OGA: variants seen among roughly 807,000 people sequenced by gnomAD.
OGA encodes O-GlcNAcase.
A neutral mutation model predicts 102.0 loss-of-function variants in OGA; 21 were observed. The ratio of observed to expected loss-of-function variants is 0.21; its 90% CI spans 0.15 to 0.30. The LOEUF (loss-of-function observed/expected upper bound fraction) is 0.30, where lower values mean the gene tolerates loss of function less well. OGA is among the 10% of genes least tolerant of loss of function. OGA has a pLI of 1.00. For missense variants in OGA, 765 were observed against 1,107.8 expected, an observed-to-expected ratio of 0.69 and a Z score of 4.39; for synonymous variants, 408 against 378.2, an observed-to-expected ratio of 1.08 and a Z score of -0.91.
intron 5 of OGA, among the ~76,000 whole-genome samples, chr10:101,807,122 C>T (rs1477315940): frequency 6.6e-6 from 1 of 152,104 alleles, no homozygotes; most frequent in South Asian, 2.1e-4. Flanking sequence ...AAATAAGGTT[C>T]TCGGCTCACA....
At chr10:101,802,685 A>G (rs1165144446) in intron 7 of OGA, among the ~76,000 whole-genome samples, 1 of 151,812 alleles carries the variant, frequency 6.6e-6, no homozygotes, top group Non-Finnish European at 1.5e-5. Flanking sequence ...GAAAAAAAAA[A>G]AACTACTTTA....
In OGA at chr10:101,818,191, C is replaced by G; in HGVS notation, c.-169G>C. On this transcript the variant is annotated 5_prime_UTR_variant, in exon 1 of 16. Transcript: ENST00000361464. ...CCCTCTCCGCAGGGACCCGAATGCC[C>G]GGATGAGAAGGGCGGCGGCACCGGC... is the stretch of plus-strand genomic sequence containing the variant. The G allele has an allele frequency of 3.0e-6, 4 of 1,353,248 alleles. No homozygotes were observed. The highest frequency in any genetic ancestry group is 3.8e-6 in the Non-Finnish European group (4 of 1,056,320). The allele number at this position is 1,353,248 out of a possible 1,614,324, so 83.8% of individuals were successfully genotyped here.
chr10:101,809,721 GA>G (rs1350556380), intron 4 of OGA, among the ~76,000 whole-genome samples: 1 of 123,048 alleles, frequency 8.1e-6, no homozygotes, highest in Non-Finnish European at 1.7e-5. Flanking sequence ...AAAAAAAAAA[GA>G]AAAAAAAAGC....
chr10:101,817,855 C>G lies in OGA; in HGVS notation c.168G>C (p.Gly56=). Residue 56 remains glycine (G), a synonymous_variant, in exon 1 of 16, where the codon GGG becomes GGC. Coordinates refer to ENST00000361464, the MANE Select transcript of OGA (RefSeq NM_012215.5). ...CCACACCGCAGAGGAACCGCCGAGC[C>G]CCTCCTGCAGCCCCGGCCACCGCCG... The part of the protein sequence containing the change: ...GGAAVAGAAG[G]ARRFLCGVVE... 1.9e-6 allele frequency: 3 copies of G among 1,543,886 alleles called. No homozygotes were observed. The highest frequency in any genetic ancestry group is 2.6e-6 in the Non-Finnish European group (3 of 1,148,210).
intron 10 of OGA, among the ~76,000 whole-genome samples, chr10:101,794,786 C>A (rs1279094705): frequency 6.6e-6 from 1 of 152,180 alleles, no homozygotes; most frequent in Non-Finnish European, 1.5e-5. Context: ...ACTTAATAGG[C>A]AATAACGCTA....
rs868228206 is a variant in OGA at position 101,810,798 on chromosome 10, C to G, written c.350-484G>C. Among the ~76,000 whole-genome samples, 4 of 152,256 alleles carry G rather than the reference C, an allele frequency of 2.6e-5. No homozygotes were observed. In the Middle Eastern group the frequency reaches 0.01, roughly 388 times the overall value. ...TGCCCAAGGCTGGAGTGCAGTGGCA[C>G]GATCCTGACTCACTGCAACCTCCAC... On this transcript the variant is annotated intron_variant, in intron 3 of 15. Transcript: ENST00000361464.
chr10:101,793,217 C>A (rs1329099458), intron 11 of OGA, among the ~76,000 whole-genome samples: 3 of 152,096 alleles, frequency 2.0e-5, no homozygotes, highest in Non-Finnish European at 4.4e-5. Context: ...CAAAAACAAA[C>A]CTATTCCAAT....
intron 4 of OGA, among the ~76,000 whole-genome samples, chr10:101,809,831 G>A (rs571130207): frequency 1.4e-4 from 21 of 151,358 alleles, no homozygotes; most frequent in African/African-American, 4.8e-4. Context: ...ATCATGAGGT[G>A]AGCAGTTCGA....
At chr10:101,801,970 C>A (rs1449149087) in intron 7 of OGA, among the ~76,000 whole-genome samples, 1 of 152,070 alleles carries the variant, frequency 6.6e-6, no homozygotes, top group East Asian at 1.9e-4. Context: ...CATGGTGAAA[C>A]CCTGTCTCTA....
chr10:101,791,397 C>T lies in OGA; in HGVS notation c.2218G>A (p.Val740Met), dbSNP rs751318081. 1 of 1,614,084 alleles carries T rather than the reference C, an allele frequency of 6.2e-7. No individual in the cohort carries two copies. Among genetic ancestry groups the T allele is most frequent in the South Asian group, 1.1e-5 (1 of 91,084 alleles). Residue 740 changes from valine to methionine, a missense_variant, in exon 13 of 16, where the codon GTG becomes ATG. Physicochemically the swap from Val to Met is conservative, Grantham distance 21. This residue lies in a region of OGA where 146 missense variants were observed against 269.7 expected (regional missense o/e 0.54). Transcript: ENST00000361464. ...KICREMYDDG[V>M]GLPFQSQPDL... ...GGCTGACTTTGAAAGGGTAAACCCA[C>T]TCCATCGTCATACATTTCTCTGCAA... is the stretch of plus-strand genomic sequence containing the variant.
At chr10:101,786,691 T>C (rs2065192996) in intron 15 of OGA, 104 bp from the exon 16 acceptor site, 1 of 985,828 alleles carries the variant, frequency 1.0e-6, no homozygotes, top group Non-Finnish European at 1.4e-6. Context: ...ACAGGGCTTG[T>C]CTGTCTACAC....
At chr10:101,804,726 G>A (rs931383423) in intron 6 of OGA, among the ~76,000 whole-genome samples, 7 of 152,052 alleles carry the variant, frequency 4.6e-5, no homozygotes, top group African/African-American at 1.4e-4. Context: ...AAGTAGCTGG[G>A]ACTACAGGTG....
chr10:101,787,573 T>G (rs370635730), intron 14 of OGA, 50 bp from the exon 15 acceptor site: 7 of 1,493,932 alleles, frequency 4.7e-6, no homozygotes, highest in Middle Eastern at 1.9e-4. Flanking sequence ...GCATTAGATA[T>G]CTAACCCAAC....
chr10:101,794,171 A>G (rs2065290213), intron 10 of OGA, 173 bp from the exon 11 acceptor site: 1 of 449,376 alleles, frequency 2.2e-6, no homozygotes, highest in Non-Finnish European at 4.0e-6. Flanking sequence ...ACGGCATTTC[A>G]ATACTAATGT....
At position 101,804,035 on chromosome 10, in the gene OGA, A is replaced by G. The variant is rs764187012; in HGVS notation, c.752-16T>C. ...ACTTTGGGACCTAGAAATAACGACA[A>G]CCGTTCGTTAAAAGAATCATGGTTC... On this transcript the variant is annotated splice_polypyrimidine_tract_variant and intron_variant, in intron 6 of 15. Coordinates refer to ENST00000361464, the MANE Select transcript of OGA (RefSeq NM_012215.5). The G allele has an allele frequency of 4.4e-6, 7 of 1,596,308 alleles. No individual in the cohort carries two copies. Among genetic ancestry groups the G allele is most frequent in the Non-Finnish European group, 6.0e-6 (7 of 1,169,996 alleles).
intron 14 of OGA, among the ~76,000 whole-genome samples, chr10:101,789,572 A>T (rs2065232232): frequency 6.6e-6 from 1 of 152,144 alleles, no homozygotes; most frequent in Admixed American, 6.6e-5. Context: ...ATTTTAGAAA[A>T]GGAAAAGAGA....
chr10:101,786,401 C>A lies in OGA; in HGVS notation c.*50G>T. On this transcript the variant is annotated 3_prime_UTR_variant, in exon 16 of 16. Transcript: ENST00000361464. Reference sequence around the variant, plus strand: ...CTGTATGAAGACCTCAACTACCATTCACAAGGTGCAGTTAAGAGACTTTTG... The same window carrying A: ...CTGTATGAAGACCTCAACTACCATTAACAAGGTGCAGTTAAGAGACTTTTG... 1.3e-6 allele frequency: 2 copies of A among 1,509,110 alleles called. No individual in the cohort carries two copies. The highest frequency in any genetic ancestry group is 2.3e-5 in the Admixed American group (1 of 43,746). 93.5% of individuals were successfully genotyped at this position (1,509,110 alleles called of 1,614,324 possible). A position where few individuals can be genotyped will look rare whatever the true frequency, so the allele number is the denominator to read the frequency against.
chr10:101,806,352 G>A (rs963394152), intron 5 of OGA, among the ~76,000 whole-genome samples: 11 of 152,148 alleles, frequency 7.2e-5, no homozygotes, highest in South Asian at 2.1e-4. Flanking sequence ...ACAGGCGCAC[G>A]CCGCCACGCC....
In OGA at chr10:101,785,320, A is replaced by G. The variant is rs6584456; in HGVS notation, c.*1131T>C. The G allele has an allele frequency of 1, 152,322 of 152,496 alleles. 76,075 individuals are homozygous for G. The highest frequency in any genetic ancestry group is 1 in the Middle Eastern group (294 of 294). The allele number at this position is 152,496 out of a possible 1,614,324, so 9.4% of individuals were successfully genotyped here. On this transcript the variant is annotated 3_prime_UTR_variant, in exon 16 of 16. Transcript: ENST00000361464. ...ATAACTGGTTAAAGTGTGCTCATTC[A>G]TTCAGAAATTAGATACAAACATGCA...
Sources: gnomAD v4.1 joint callset for allele counts (sites outside exome capture counted in the v4.1 genomes callset) on GRCh38, gnomAD v4.1.1 for gene constraint, gnomAD v4.1.1 regional missense constraint, MANE v1.5 for transcripts, NCBI Gene and HGNC (gene_info 2026-07-23, HGNC 2026-07-21) for gene names.